Variants in ZNF676 observed in about 807,000 individuals in gnomAD.
ZNF676 encodes zinc finger protein 676.
Under a neutral mutation model 6.0 loss-of-function variants are expected in ZNF676, and 4 were observed. The ratio of observed to expected loss-of-function variants is 0.67; its 90% CI spans 0.33 to 1.53. ZNF676 has a LOEUF of 1.53. Among genes scored for constraint, ZNF676 ranks in the 40% most tolerant of loss-of-function variants. ZNF676 has a pLI of 0.06. For missense variants in ZNF676, 644 were observed against 679.7 expected, an observed-to-expected ratio of 0.95 and a Z score of 0.58; for synonymous variants, 198 against 223.1, an observed-to-expected ratio of 0.89 and a Z score of 1.00.
chr19:22,181,769 GAAT>G (rs920110538), intron 2 of ZNF676, among the ~76,000 whole-genome samples, 183 bp from the exon 3 acceptor site: 7 of 152,004 alleles, frequency 4.6e-5, no homozygotes, highest in Non-Finnish European at 1.0e-4. Flanking sequence ...ATACATATGT[GAAT>G]AATTTATACA....
chr19:22,239,028 G>A, the ZNF676 span, among the ~76,000 whole-genome samples: 62 of 152,088 alleles, frequency 4.1e-4, no homozygotes, highest in South Asian at 7.5e-3. Flanking sequence ...ATCCAGTCAC[G>A]TTGACACACA....
At chr19:22,221,899 GT>G in the ZNF676 span, among the ~76,000 whole-genome samples, 1 of 152,112 alleles carries the variant, frequency 6.6e-6, no homozygotes, top group African/African-American at 2.4e-5. Context: ...CTAAGGTGTA[GT>G]TTAAGACCAT....
chr19:22,213,869 C>A (rs2024157351), intron 1 of ZNF676, among the ~76,000 whole-genome samples: 1 of 152,192 alleles, frequency 6.6e-6, no homozygotes, highest in Non-Finnish European at 1.5e-5. Context: ...AAGGAAAAAA[C>A]TGAAGGGTGG....
At chr19:22,229,972 A>G in the ZNF676 span, among the ~76,000 whole-genome samples, 7 of 152,210 alleles carry the variant, frequency 4.6e-5, no homozygotes, top group East Asian at 1.3e-3. Context: ...CAGAAATACC[A>G]TTTGACCCAG....
upstream of ZNF676, among the ~76,000 whole-genome samples, chr19:22,197,372 T>C (rs1458179076): frequency 6.6e-6 from 1 of 151,924 alleles, no homozygotes; most frequent in Non-Finnish European, 1.5e-5. Context: ...AAAGACATAG[T>C]TTTGCATATT....
chr19:22,248,410 G>T, the ZNF676 span, among the ~76,000 whole-genome samples: 4 of 152,162 alleles, frequency 2.6e-5, no homozygotes, highest in Non-Finnish European at 5.9e-5. Flanking sequence ...AGCACCTGTT[G>T]TTTCCTGACT....
the ZNF676 span, among the ~76,000 whole-genome samples, chr19:22,253,445 T>C: frequency 5.7e-5 from 5 of 87,784 alleles, no homozygotes; most frequent in Non-Finnish European, 9.0e-5. Context: ...TGATAATGTG[T>C]ATATATATAT....
At chr19:22,191,650 C>A (rs891457933) in intron 2 of ZNF676, among the ~76,000 whole-genome samples, 4 of 152,122 alleles carry the variant, frequency 2.6e-5, no homozygotes, top group African/African-American at 9.7e-5. Flanking sequence ...TAGAAACCTG[C>A]CCTAGCGTCT....
At chr19:22,205,139 A>C (rs1195125550) in intron 1 of ZNF676, among the ~76,000 whole-genome samples, 8 of 152,126 alleles carry the variant, frequency 5.3e-5, no homozygotes, top group Non-Finnish European at 1.0e-4. Flanking sequence ...ATAAAAAAAA[A>C]CCATGGGTTC....
chr19:22,192,549 T>G lies in ZNF676; in HGVS notation c.130+467A>C, dbSNP rs2023920998. 2.0e-5 allele frequency among the ~76,000 whole-genome samples: 3 copies of G among 152,076 alleles called. 1 individual carries two copies. In the South Asian group the frequency reaches 6.2e-4, roughly 32 times the overall value. On this transcript the variant is annotated intron_variant, in intron 2 of 2. Coordinates refer to ENST00000397121, the MANE Select transcript of ZNF676 (RefSeq NM_001001411.3). ...GATATTATACTTTATAATTTCAAAC[T>G]ATATTTCAAGACTATAGTAATAAAA...
At chr19:22,215,806 CCA>C (rs1568537786), upstream of ZNF676, 3 of 590,990 alleles carry the variant, frequency 5.1e-6, no homozygotes, top group African/African-American at 6.1e-5. Flanking sequence ...GTCCCCCCCC[CCA>C]GCTGCCTGCC....
chr19:22,258,572 C>G, the ZNF676 span, among the ~76,000 whole-genome samples: 1,008 of 152,192 alleles, frequency 6.6e-3, 1 homozygote, highest in African/African-American at 0.022. Flanking sequence ...GTAATGGTCA[C>G]AGCGATACGT....
At chr19:22,235,114 AG>A in the ZNF676 span, among the ~76,000 whole-genome samples, 1 of 110,824 alleles carries the variant, frequency 9.0e-6, no homozygotes. Context: ...TCAGGAAGGC[AG>A]GAAGGCAGGA....
At chr19:22,205,992 C>T (rs905062745) in intron 1 of ZNF676, among the ~76,000 whole-genome samples, 7 of 150,786 alleles carry the variant, frequency 4.6e-5, no homozygotes, top group Non-Finnish European at 8.9e-5. Context: ...CTGAAGTCTG[C>T]TATGCACATA....
intron 1 of ZNF676, among the ~76,000 whole-genome samples, chr19:22,202,535 G>T (rs1467955332): frequency 3.3e-5 from 5 of 152,114 alleles, no homozygotes; most frequent in Non-Finnish European, 7.4e-5. Flanking sequence ...TCTAGACAAG[G>T]TTTGGAAAAT....
chr19:22,197,517 A>G (rs144881835), upstream of ZNF676, among the ~76,000 whole-genome samples: 127 of 152,122 alleles, frequency 8.3e-4, 4 homozygotes, highest in East Asian at 0.023. Flanking sequence ...AATTTCTAAT[A>G]AGCTCATCAG....
In ZNF676 at chr19:22,206,056, AACACAC is replaced by A. The variant is rs71180523; in HGVS notation, c.4-9336_4-9331del. On this transcript the variant is annotated intron_variant, in intron 1 of 3. Transcript: ENST00000650058. Reference sequence around the variant, plus strand: ...GAACAAATACATCCTCCCAAAACTCAACACACACACACACACACACACACACACACA... The same window carrying A: ...GAACAAATACATCCTCCCAAAACTCAACACACACACACACACACACACACA... Among the ~76,000 whole-genome samples, 46 of 146,664 alleles carry A rather than the reference AACACAC, an allele frequency of 3.1e-4. 1 individual carries two copies. The highest frequency in any genetic ancestry group is 6.5e-4 in the African/African-American group (26 of 40,092).
At chr19:22,193,481 C>T (rs765187527) in intron 1 of ZNF676, among the ~76,000 whole-genome samples, 10 of 152,012 alleles carry the variant, frequency 6.6e-5, no homozygotes, top group Non-Finnish European at 1.0e-4. Context: ...GTTTGGTTTG[C>T]ACGGTCCTAC....
the ZNF676 span, among the ~76,000 whole-genome samples, chr19:22,234,990 AAGAAAGAAAGAAAG>A: frequency 9.0e-5 from 10 of 110,938 alleles, no homozygotes; most frequent in African/African-American, 3.7e-4. Context: ...GAAAGAAAGA[AAGAAAGAAAGAAAG>A]AAAGAAAGAA....
Sources: gnomAD v4.1 joint callset for allele counts (sites outside exome capture counted in the v4.1 genomes callset) on GRCh38, gnomAD v4.1.1 for gene constraint, MANE v1.5 for transcripts, NCBI Gene and HGNC (gene_info 2026-07-23, HGNC 2026-07-21) for gene names.